Variants in TBL1X observed in about 807,000 individuals in gnomAD.
TBL1X encodes F-box-like/WD repeat-containing protein TBL1X.
In TBL1X, 10 loss-of-function variants were observed where a neutral mutation model predicts 50.7. That is an observed-to-expected ratio of 0.20 (90% CI 0.12 to 0.33). TBL1X has a LOEUF of 0.33. Ranked by LOEUF, TBL1X falls within the 10% of genes least tolerant of loss-of-function variation. The probability of loss-of-function intolerance (pLI) is 1.00; values close to 1 mark genes in which losing one functional copy is unlikely to be tolerated. For synonymous variants in TBL1X, 190 were observed against 214.7 expected (o/e 0.88, Z 1.01); for missense variants, 340 against 504.4 (o/e 0.67, Z 3.12).
chrX:9,639,744 C>T (rs1454675360), intron 2 of TBL1X: 1 of 111,231 alleles, frequency 9.0e-6, no homozygotes, highest in Non-Finnish European at 1.9e-5. Flanking sequence ...GAGCACAGTA[C>T]ATGAGGATGC....
At chrX:9,508,852 G>A (rs747616478) in intron 2 of TBL1X, among the ~76,000 whole-genome samples, 16 of 110,533 alleles carry the variant, frequency 1.4e-4, no homozygotes, top group South Asian at 3.9e-4. Context: ...ACCAAACACC[G>A]CATATTCTCA....
intron 2 of TBL1X, among the ~76,000 whole-genome samples, chrX:9,565,586 C>T (rs937088653): frequency 3.6e-5 from 4 of 110,944 alleles, no homozygotes; most frequent in East Asian, 2.9e-4. Flanking sequence ...TACAACACTT[C>T]GGGAGGCCGA....
At chrX:9,657,250 T>C (rs1342337944) in intron 5 of TBL1X, among the ~76,000 whole-genome samples, 1 of 112,205 alleles carries the variant, frequency 8.9e-6, no homozygotes, top group Non-Finnish European at 1.9e-5. Flanking sequence ...GCTGCTTCCC[T>C]GGAAGGTCTG....
intron 2 of TBL1X, among the ~76,000 whole-genome samples, chrX:9,587,875 A>G (rs2082479299): frequency 1.0e-5 from 1 of 99,678 alleles, no homozygotes; most frequent in Non-Finnish European, 2.0e-5. Context: ...GGAACCTCAT[A>G]CAAGCAGAGT....
chrX:9,647,021 C>T (rs911657024), intron 3 of TBL1X, among the ~76,000 whole-genome samples: 2 of 111,932 alleles, frequency 1.8e-5, no homozygotes, highest in Admixed American at 1.9e-4. Flanking sequence ...ATTAAAACAG[C>T]AATTAAGATT....
chrX:9,472,657 G>GC (rs1037946541), intron 1 of TBL1X, among the ~76,000 whole-genome samples: 3 of 109,952 alleles, frequency 2.7e-5, no homozygotes, highest in Non-Finnish European at 3.8e-5. Flanking sequence ...GGTGGCTCAT[G>GC]CCCCCCAGCA....
intron 2 of TBL1X, among the ~76,000 whole-genome samples, chrX:9,511,423 C>T (rs1436401300): frequency 6.3e-5 from 7 of 111,949 alleles, no homozygotes; most frequent in Non-Finnish European, 1.1e-4. Context: ...GAAGTGGAAG[C>T]CATGTAACCA....
chrX:9,620,883 G>A (rs1384693858), intron 2 of TBL1X, among the ~76,000 whole-genome samples: 1 of 112,173 alleles, frequency 8.9e-6, no homozygotes, highest in African/African-American at 3.2e-5. Context: ...CAGGCAGGGA[G>A]ATAACCTCAC....
intron 1 of TBL1X, among the ~76,000 whole-genome samples, chrX:9,500,857 T>G (rs1477250725): frequency 8.9e-6 from 1 of 111,887 alleles, no homozygotes; most frequent in East Asian, 2.8e-4. Flanking sequence ...CAGGGGACAC[T>G]CGGCAATGTC....
chrX:9,592,217 G>T (rs1394958276), intron 2 of TBL1X, among the ~76,000 whole-genome samples: 2 of 110,927 alleles, frequency 1.8e-5, no homozygotes, highest in East Asian at 5.6e-4. Flanking sequence ...ATTTCCATTT[G>T]TCCGCTCTGT....
At chrX:9,599,795 C>G (rs2082545178) in intron 2 of TBL1X, among the ~76,000 whole-genome samples, 1 of 112,285 alleles carries the variant, frequency 8.9e-6, no homozygotes, top group African/African-American at 3.2e-5. Flanking sequence ...CAAACTTTGC[C>G]CATAGATAAG....
At chrX:9,570,423 G>T (rs1391779224) in intron 2 of TBL1X, among the ~76,000 whole-genome samples, 1 of 111,508 alleles carries the variant, frequency 9.0e-6, no homozygotes, top group African/African-American at 3.3e-5. Context: ...AAAATCCAGT[G>T]AATTTCTTTA....
At chrX:9,620,185 T>C (rs1394218067) in intron 2 of TBL1X, among the ~76,000 whole-genome samples, 1 of 112,343 alleles carries the variant, frequency 8.9e-6, no homozygotes, top group African/African-American at 3.2e-5. Context: ...TTCATGCTTA[T>C]TGTAAAAGCC....
intron 2 of TBL1X, among the ~76,000 whole-genome samples, chrX:9,549,048 C>T (rs1490010848): frequency 8.8e-6 from 1 of 113,187 alleles, no homozygotes; most frequent in Non-Finnish European, 1.9e-5. Flanking sequence ...GCAGCTGGCC[C>T]TTGAGTTCAG....
intron 2 of TBL1X, among the ~76,000 whole-genome samples, chrX:9,573,582 A>G (rs1375913957): frequency 8.9e-6 from 1 of 112,903 alleles, no homozygotes; most frequent in African/African-American, 3.2e-5. Flanking sequence ...AACTGTAAAT[A>G]AATTCTGGAC....
chrX:9,637,685 C>T (rs1449598955), intron 2 of TBL1X: 2 of 111,984 alleles, frequency 1.8e-5, no homozygotes, highest in Non-Finnish European at 3.8e-5. Flanking sequence ...GGCTAAACAT[C>T]AAAATACAGC....
At position 9,693,359 on chromosome X, in the gene TBL1X, C is replaced by T; in HGVS notation, c.993C>T (p.Pro331=). Residue 331 remains proline (P), a synonymous_variant, in exon 11 of 18, where the codon CCC becomes CCT. Coordinates refer to ENST00000645353, the MANE Select transcript of TBL1X (RefSeq NM_005647.4). ...LASTLGQHKG[P]IFALKWNRKG... is the part of the protein sequence containing the mutation. ...GCACCTTAGGCCAACATAAAGGCCC[C>T]ATCTTTGCCTTGAAATGGAACCGAA... is the stretch of plus-strand genomic sequence containing the variant. 1 of 1,211,123 alleles carries T rather than the reference C, an allele frequency of 8.3e-7. No homozygotes were observed. Among genetic ancestry groups the T allele is most frequent in the Non-Finnish European group, 1.1e-6 (1 of 895,171 alleles).
At position 9,650,595 on chromosome X, in the gene TBL1X, C is replaced by T. The variant is rs778971381; in HGVS notation, c.-42-2950C>T. Among the ~76,000 whole-genome samples, 101 of 111,636 alleles carry T rather than the reference C, an allele frequency of 9.0e-4. 1 individual carries two copies. The South Asian group carries it at 0.014, about 15-fold the overall frequency. ...TCCTTTGTAATTCTCTTCCTTTCCA[C>T]GGGACTCCAGATTCATGCCGGTCCC... On this transcript the variant is annotated intron_variant, in intron 3 of 17. Transcript: ENST00000645353.
At chrX:9,627,140 A>G (rs1036910655) in intron 2 of TBL1X, among the ~76,000 whole-genome samples, 7 of 111,846 alleles carry the variant, frequency 6.3e-5, no homozygotes. Context: ...TAATTAGGGT[A>G]TCTGGGAATT....
Sources: gnomAD v4.1 joint callset for allele counts (sites outside exome capture counted in the v4.1 genomes callset) on GRCh38, gnomAD v4.1.1 for gene constraint, MANE v1.5 for transcripts, NCBI Gene and HGNC (gene_info 2026-07-23, HGNC 2026-07-21) for gene names.